The following KCNIP4 variants were observed in gnomAD, a reference collection of about 807,000 sequenced individuals.
The protein encoded by KCNIP4 is potassium voltage-gated channel interacting protein 4, also known as Kv channel-interacting protein 4.
KCNIP4 carries 12 observed loss-of-function variants against 34.0 expected under a neutral mutation model. That is an observed-to-expected ratio of 0.35 (90% CI 0.23 to 0.57). The LOEUF (loss-of-function observed/expected upper bound fraction) is 0.57. Ranked by LOEUF, KCNIP4 falls within the 20% of genes least tolerant of loss-of-function variation. The pLI is 0.83. For missense variants in KCNIP4, 238 were observed against 311.7 expected (o/e 0.76, Z 1.78); for synonymous variants, 124 against 102.2 (o/e 1.21, Z -1.29).
chr4:21,640,679 A>C (rs1459335739), intron 1 of KCNIP4, among the ~76,000 whole-genome samples: 1 of 152,042 alleles, frequency 6.6e-6, no homozygotes, highest in African/African-American at 2.4e-5. Context: ...CTGCTTAATG[A>C]GTTTCTTTGG....
intron 1 of KCNIP4, among the ~76,000 whole-genome samples, chr4:21,018,602 C>T (rs995272585): frequency 5.9e-5 from 9 of 152,230 alleles, no homozygotes; most frequent in South Asian, 2.1e-4. Flanking sequence ...ATTGCTGAAC[C>T]TATTGACACT....
intron 1 of KCNIP4, among the ~76,000 whole-genome samples, chr4:21,284,901 G>A (rs1361489213): frequency 2.0e-5 from 3 of 152,052 alleles, no homozygotes; most frequent in African/African-American, 7.2e-5. Context: ...GACCTGAGCA[G>A]ACCCCAACAG....
intron 1 of KCNIP4, among the ~76,000 whole-genome samples, chr4:21,031,365 A>T (rs1741010283): frequency 6.6e-6 from 1 of 152,194 alleles, no homozygotes; most frequent in Non-Finnish European, 1.5e-5. Flanking sequence ...GTGATAAATT[A>T]ATGTTTAGAG....
At chr4:21,131,011 A>T (rs997539477) in intron 1 of KCNIP4, among the ~76,000 whole-genome samples, 1 of 152,226 alleles carries the variant, frequency 6.6e-6, no homozygotes, top group East Asian at 1.9e-4. Context: ...TATAACCCCC[A>T]AAAGGCCATA....
chr4:21,611,062 T>C (rs1389104508), intron 1 of KCNIP4, among the ~76,000 whole-genome samples: 1 of 151,978 alleles, frequency 6.6e-6, no homozygotes, highest in Admixed American at 6.6e-5. Flanking sequence ...AGTGAGAACA[T>C]GTGGTGTTTG....
At chr4:20,984,564 G>A (rs1241226706) in intron 1 of KCNIP4, among the ~76,000 whole-genome samples, 4 of 152,194 alleles carry the variant, frequency 2.6e-5, no homozygotes, top group Non-Finnish European at 1.5e-5. Context: ...GGAGAAAAGT[G>A]CAGGAGCAAA....
At chr4:21,289,837 A>G (rs990590169) in intron 1 of KCNIP4, among the ~76,000 whole-genome samples, 21 of 152,174 alleles carry the variant, frequency 1.4e-4, no homozygotes, top group Admixed American at 1.2e-3. Context: ...GAAGCTGAGA[A>G]TTGCCAAGCA....
intron 1 of KCNIP4, among the ~76,000 whole-genome samples, chr4:20,922,460 G>A (rs775133165): frequency 4.6e-5 from 7 of 152,080 alleles, no homozygotes; most frequent in Non-Finnish European, 7.4e-5. Flanking sequence ...TGGCTATCCT[G>A]GTTTGCCAGC....
At chr4:21,234,312 A>ATACAT (rs1491586174) in intron 1 of KCNIP4, among the ~76,000 whole-genome samples, 1,087 of 77,852 alleles carry the variant, frequency 0.014, 38 homozygotes, top group South Asian at 0.017. Flanking sequence ...CATATATAAC[A>ATACAT]TATATATAAC....
At chr4:20,800,180 C>T (rs1714042749) in intron 3 of KCNIP4, among the ~76,000 whole-genome samples, 1 of 152,188 alleles carries the variant, frequency 6.6e-6, no homozygotes, top group Non-Finnish European at 1.5e-5. Flanking sequence ...ATCACTGACA[C>T]TGATCACAAT....
At chr4:21,271,277 G>T (rs1319991181) in intron 1 of KCNIP4, among the ~76,000 whole-genome samples, 3 of 152,144 alleles carry the variant, frequency 2.0e-5, no homozygotes, top group Middle Eastern at 3.2e-3. Flanking sequence ...AACAGTGTCT[G>T]ACAGGTTATG....
At chr4:21,425,791 T>C (rs894150084) in intron 1 of KCNIP4, among the ~76,000 whole-genome samples, 1 of 152,304 alleles carries the variant, frequency 6.6e-6, no homozygotes, top group African/African-American at 2.4e-5. Flanking sequence ...GACTCCCGTC[T>C]GTAATCCCAG....
intron 5 of KCNIP4, among the ~76,000 whole-genome samples, chr4:20,745,291 T>C (rs1319035184): frequency 6.6e-6 from 1 of 152,188 alleles, no homozygotes; most frequent in Non-Finnish European, 1.5e-5. Flanking sequence ...TGACATCTAA[T>C]TCACATCTTC....
intron 1 of KCNIP4, among the ~76,000 whole-genome samples, chr4:20,948,273 A>C: frequency 6.6e-6 from 1 of 152,230 alleles, no homozygotes; most frequent in Non-Finnish European, 1.5e-5. Context: ...GGATGCCTGA[A>C]AAGTGCAGCA....
chr4:21,235,691 T>C, intron 1 of KCNIP4, among the ~76,000 whole-genome samples: 1 of 152,210 alleles, frequency 6.6e-6, no homozygotes, highest in East Asian at 1.9e-4. Context: ...ACTCCCCTAC[T>C]AGGATGTAAC....
intron 1 of KCNIP4, among the ~76,000 whole-genome samples, chr4:21,604,039 C>G (rs180952058): frequency 7.9e-5 from 12 of 151,140 alleles, no homozygotes; most frequent in Non-Finnish European, 1.5e-5. Context: ...TTTCATTCGT[C>G]GATTATAAAT....
chr4:21,798,002 C>T (rs1051697403), intron 1 of KCNIP4, among the ~76,000 whole-genome samples: 1 of 151,864 alleles, frequency 6.6e-6, no homozygotes, highest in African/African-American at 2.4e-5. Context: ...GCTTATTATA[C>T]GAGGAGTATT....
chr4:21,566,399 C>T (rs920805915), intron 1 of KCNIP4, among the ~76,000 whole-genome samples: 2 of 152,160 alleles, frequency 1.3e-5, no homozygotes, highest in Admixed American at 6.5e-5. Flanking sequence ...GAGTGGGCTT[C>T]CCCCTTGCTA....
At chr4:21,836,139 G>T (rs1482482261) in intron 1 of KCNIP4, among the ~76,000 whole-genome samples, 1 of 152,142 alleles carries the variant, frequency 6.6e-6, no homozygotes, top group Non-Finnish European at 1.5e-5. Flanking sequence ...TTTTTCAGCT[G>T]GGAAGTGGGT....
Sources: allele counts gnomAD v4.1 joint callset (sites outside exome capture counted in the v4.1 genomes callset), GRCh38; gene constraint gnomAD v4.1.1; transcripts MANE v1.5; gene names NCBI Gene and HGNC (gene_info 2026-07-23, HGNC 2026-07-21).